JAKMIP2: variants seen among roughly 807,000 people sequenced by gnomAD.
The protein encoded by JAKMIP2 is janus kinase and microtubule-interacting protein 2.
Under a neutral mutation model 115.0 loss-of-function variants are expected in JAKMIP2, and 25 were observed. The observed-to-expected ratio is 0.22, with a 90% CI of 0.16 to 0.30. The LOEUF (loss-of-function observed/expected upper bound fraction) is 0.30. JAKMIP2 is among the 10% of genes least tolerant of loss of function. JAKMIP2 has a pLI of 1.00. For missense variants in JAKMIP2, 642 were observed against 957.6 expected (o/e 0.67, Z 4.35); for synonymous variants, 334 against 343.6 (o/e 0.97, Z 0.31).
Position 147,590,412 on chromosome 5 carries a change from C to T in JAKMIP2, c.*1295G>A, listed in dbSNP as rs931069166. Reference sequence around the variant, plus strand: ...ACAACTTAGGAAAAGTACCAGTCCTCTAATTGTCTCTGGTAGAAAATGACC... The same window carrying T: ...ACAACTTAGGAAAAGTACCAGTCCTTTAATTGTCTCTGGTAGAAAATGACC... On this transcript the variant is annotated 3_prime_UTR_variant, in exon 22 of 22. Transcript: ENST00000616793. The T allele has an allele frequency of 4.6e-5, 7 of 152,130 alleles. No individual in the cohort carries two copies. The highest frequency in any genetic ancestry group is 1.0e-4 in the Non-Finnish European group (7 of 68,024). 9.4% of individuals were successfully genotyped at this position (152,130 alleles called of 1,614,324 possible). A position where few individuals can be genotyped will look rare whatever the true frequency, so the allele number is the denominator to read the frequency against.
At chr5:147,776,660 G>C (rs1192387973) in intron 1 of JAKMIP2, among the ~76,000 whole-genome samples, 1 of 152,194 alleles carries the variant, frequency 6.6e-6, no homozygotes, top group Non-Finnish European at 1.5e-5. Flanking sequence ...GGGCATGGTG[G>C]CTCATGCCTG....
intron 2 of JAKMIP2, among the ~76,000 whole-genome samples, chr5:147,666,867 T>G (rs1231849252): frequency 6.6e-6 from 1 of 152,118 alleles, no homozygotes; most frequent in Non-Finnish European, 1.5e-5. Flanking sequence ...CTGGAACACA[T>G]TAGAGATTAA....
chr5:147,739,060 T>A (rs1754036876), intron 1 of JAKMIP2, among the ~76,000 whole-genome samples: 1 of 152,038 alleles, frequency 6.6e-6, no homozygotes, highest in South Asian at 2.1e-4. Context: ...GGACGGTAGG[T>A]CACACCTGCT....
At chr5:147,600,533 T>C (rs942772389) in intron 21 of JAKMIP2, among the ~76,000 whole-genome samples, 2 of 152,152 alleles carry the variant, frequency 1.3e-5, no homozygotes, top group Non-Finnish European at 1.5e-5. Flanking sequence ...GCTAATATAA[T>C]TTAATAGGAT....
intron 1 of JAKMIP2, among the ~76,000 whole-genome samples, chr5:147,766,251 A>C (rs922230310): frequency 3.9e-5 from 6 of 152,198 alleles, no homozygotes; most frequent in Non-Finnish European, 1.5e-5. Context: ...CTTTGGATTC[A>C]GAAGAGGATT....
intron 9 of JAKMIP2, among the ~76,000 whole-genome samples, 164 bp from the exon 10 acceptor site, chr5:147,639,924 C>T (rs1173173041): frequency 6.6e-6 from 1 of 152,124 alleles, no homozygotes; most frequent in African/African-American, 2.4e-5. Context: ...GGCACAAATA[C>T]TGTAATACTT....
chr5:147,628,828 A>G lies in JAKMIP2; in HGVS notation c.1930-12T>C. Reference sequence around the variant, plus strand: ...TCATTTCTTAAATTCTGTAAAAAATAAGAAAGGCCGTCAGCTGAACATACT... The same window carrying G: ...TCATTTCTTAAATTCTGTAAAAAATGAGAAAGGCCGTCAGCTGAACATACT... On this transcript the variant is annotated splice_polypyrimidine_tract_variant and intron_variant, in intron 15 of 21. Coordinates refer to ENST00000616793, the MANE Select transcript of JAKMIP2 (RefSeq NM_001270941.2). 6.2e-7 allele frequency: 1 copy of G among 1,607,900 alleles called. No individual in the cohort carries two copies. The highest frequency in any genetic ancestry group is 8.5e-7 in the Non-Finnish European group (1 of 1,175,026).
intron 1 of JAKMIP2, among the ~76,000 whole-genome samples, chr5:147,751,133 A>G (rs975064080): frequency 1.3e-5 from 2 of 150,810 alleles, no homozygotes; most frequent in Non-Finnish European, 2.9e-5. Context: ...GTGCAGTGGC[A>G]TGATCTCCAC....
At chr5:147,670,680 G>A (rs572772239) in intron 2 of JAKMIP2, among the ~76,000 whole-genome samples, 7 of 152,262 alleles carry the variant, frequency 4.6e-5, no homozygotes, top group Admixed American at 6.5e-5. Flanking sequence ...AGCACCTGAC[G>A]TAAATTTTTT....
intron 2 of JAKMIP2, among the ~76,000 whole-genome samples, chr5:147,668,342 C>T (rs889684589): frequency 1.3e-5 from 2 of 152,144 alleles, no homozygotes; most frequent in African/African-American, 4.8e-5. Context: ...TACACACTAA[C>T]CAATGGATCA....
At chr5:147,602,827 G>T (rs921790203) in intron 20 of JAKMIP2, among the ~76,000 whole-genome samples, 4 of 152,164 alleles carry the variant, frequency 2.6e-5, no homozygotes, top group Non-Finnish European at 5.9e-5. Flanking sequence ...TATTGTGAAT[G>T]TTATTAGCAT....
chr5:147,713,309 T>C (rs1752852120), intron 1 of JAKMIP2, among the ~76,000 whole-genome samples: 1 of 152,178 alleles, frequency 6.6e-6, no homozygotes, highest in African/African-American at 2.4e-5. Context: ...GTTCCATTTT[T>C]TTACGTGAGA....
At chr5:147,704,040 A>G (rs988511086) in intron 1 of JAKMIP2, among the ~76,000 whole-genome samples, 13 of 152,124 alleles carry the variant, frequency 8.5e-5, no homozygotes, top group African/African-American at 3.1e-4. Context: ...CTGTCCCACT[A>G]GAAGGTCTTC....
chr5:147,660,386 T>A (rs1053261220), intron 3 of JAKMIP2: 2 of 432,230 alleles, frequency 4.6e-6, no homozygotes, highest in African/African-American at 4.1e-5. Flanking sequence ...ATGACTCCTG[T>A]ATACTTTGGG....
At chr5:147,648,112 G>A (rs1758215841) in intron 5 of JAKMIP2, among the ~76,000 whole-genome samples, 2 of 152,114 alleles carry the variant, frequency 1.3e-5, no homozygotes, top group Non-Finnish European at 2.9e-5. Flanking sequence ...CATCTATGGC[G>A]ATTGAAGTCA....
chr5:147,753,113 C>T (rs1165671065), intron 1 of JAKMIP2, among the ~76,000 whole-genome samples: 1 of 152,160 alleles, frequency 6.6e-6, no homozygotes, highest in Admixed American at 6.6e-5. Context: ...ACCACAAACT[C>T]TCAAGGCAGG....
chr5:147,744,058 CCT>C (rs1176485675), intron 1 of JAKMIP2, among the ~76,000 whole-genome samples: 2 of 129,662 alleles, frequency 1.5e-5, no homozygotes, highest in South Asian at 2.5e-4. Context: ...TTCCTTCCTT[CCT>C]CTCTCTTTCT....
At position 147,772,329 on chromosome 5, in the gene JAKMIP2, A is replaced by C. The variant is rs141644449; in HGVS notation, c.-149+10127T>G. 3.0e-3 allele frequency among the ~76,000 whole-genome samples: 461 copies of C among 152,180 alleles called. 3 individuals are homozygous for C. The highest frequency in any genetic ancestry group is 0.01 in the African/African-American group (433 of 41,528). ...TTCATACAGATAATTCATTTTTAGC[A>C]AATGTTTGTCTGCAGGATTATTTCC... is the stretch of plus-strand genomic sequence containing the variant. On this transcript the variant is annotated intron_variant, in intron 1 of 21. Coordinates refer to ENST00000616793, the MANE Select transcript of JAKMIP2 (RefSeq NM_001270941.2).
chr5:147,587,572 A>T lies in JAKMIP2; in HGVS notation c.*4135T>A, dbSNP rs1439654225. ...CAGATGATCCAATTATTTAAACATC[A>T]ACACAAAACCAATGAATATTCTTTT... is the stretch of plus-strand genomic sequence containing the variant. On this transcript the variant is annotated 3_prime_UTR_variant, in exon 22 of 22. Coordinates refer to ENST00000616793, the MANE Select transcript of JAKMIP2 (RefSeq NM_001270941.2). 1 of 152,224 alleles carries T rather than the reference A, an allele frequency of 6.6e-6. No individual in the cohort carries two copies. The highest frequency in any genetic ancestry group is 1.5e-5 in the Non-Finnish European group (1 of 68,038). 9.4% of individuals were successfully genotyped at this position (152,224 alleles called of 1,614,324 possible).
Sources: allele counts gnomAD v4.1 joint callset (sites outside exome capture counted in the v4.1 genomes callset), GRCh38; gene constraint gnomAD v4.1.1; transcripts MANE v1.5; gene names NCBI Gene and HGNC (gene_info 2026-07-23, HGNC 2026-07-21).